Variants in CTNNA2 observed in about 807,000 individuals in gnomAD.
The protein encoded by CTNNA2 is catenin alpha-2.
Under a neutral mutation model 101.0 loss-of-function variants are expected in CTNNA2, and 42 were observed. That is an observed-to-expected ratio of 0.42 (90% CI 0.32 to 0.54). CTNNA2 has a LOEUF of 0.54. CTNNA2 is among the 20% of genes least tolerant of loss of function. The pLI, the probability that CTNNA2 is intolerant of heterozygous loss-of-function variation, is 0.14. For synonymous variants in CTNNA2, 450 were observed against 456.4 expected (o/e 0.99, Z 0.18); for missense variants, 871 against 1,223.1 (o/e 0.71, Z 4.29).
intron 7 of CTNNA2, among the ~76,000 whole-genome samples, chr2:79,915,324 C>T (rs1336830790): frequency 6.8e-6 from 1 of 146,840 alleles, no homozygotes; most frequent in Non-Finnish European, 1.5e-5. Flanking sequence ...CACACACACA[C>T]ACACACATTA....
intron 15 of CTNNA2, among the ~76,000 whole-genome samples, chr2:80,602,354 A>C (rs1697627888): frequency 6.6e-6 from 1 of 152,070 alleles, no homozygotes; most frequent in Admixed American, 6.6e-5. Context: ...ACATTTTGTC[A>C]GAATCAATCA....
chr2:79,707,649 A>G (rs1316960039), intron 2 of CTNNA2, among the ~76,000 whole-genome samples: 2 of 152,198 alleles, frequency 1.3e-5, no homozygotes, highest in South Asian at 4.1e-4. Context: ...CATAGTACTT[A>G]TATCTGTTTT....
At chr2:80,013,353 T>C (rs1456847088) in intron 7 of CTNNA2, among the ~76,000 whole-genome samples, 1 of 152,186 alleles carries the variant, frequency 6.6e-6, no homozygotes, top group African/African-American at 2.4e-5. Flanking sequence ...TATAACACTC[T>C]TTCCTGAGTA....
intron 2 of CTNNA2, among the ~76,000 whole-genome samples, chr2:79,289,766 A>T (rs1327339559): frequency 6.6e-6 from 1 of 152,126 alleles, no homozygotes; most frequent in Non-Finnish European, 1.5e-5. Context: ...TAGAAAAGAA[A>T]AGAATGCAGC....
At chr2:80,141,946 C>G (rs905643789) in intron 7 of CTNNA2, among the ~76,000 whole-genome samples, 1 of 151,456 alleles carries the variant, frequency 6.6e-6, no homozygotes, top group Non-Finnish European at 1.5e-5. Context: ...CAGATCCCCA[C>G]CAAATGGATC....
intron 7 of CTNNA2, among the ~76,000 whole-genome samples, chr2:79,933,854 G>A (rs763684192): frequency 3.3e-5 from 5 of 152,158 alleles, no homozygotes; most frequent in Non-Finnish European, 7.3e-5. Context: ...GCTTTGTGTG[G>A]TTTTAGTTTT....
chr2:80,127,860 T>G (rs1271426549), intron 7 of CTNNA2, among the ~76,000 whole-genome samples: 1 of 152,144 alleles, frequency 6.6e-6, no homozygotes, highest in Non-Finnish European at 1.5e-5. Flanking sequence ...CATTTTTACT[T>G]GGAGTACAGG....
intron 2 of CTNNA2, chr2:79,687,797 C>T (rs1450951682): frequency 4.3e-6 from 2 of 470,040 alleles, no homozygotes; most frequent in Middle Eastern, 5.6e-4. Flanking sequence ...ATACAGGCGC[C>T]AAAAATGGAT....
intron 9 of CTNNA2, among the ~76,000 whole-genome samples, chr2:80,494,725 T>C (rs988688916): frequency 2.0e-5 from 3 of 152,152 alleles, no homozygotes; most frequent in Non-Finnish European, 4.4e-5. Context: ...GTCTCTGTGG[T>C]GTTAAAAGAT....
intron 7 of CTNNA2, among the ~76,000 whole-genome samples, chr2:79,963,227 G>A (rs1689786668): frequency 6.6e-6 from 1 of 152,080 alleles, no homozygotes; most frequent in Non-Finnish European, 1.5e-5. Context: ...CTATGCATAT[G>A]TGTGTTCGTT....
intron 7 of CTNNA2, among the ~76,000 whole-genome samples, chr2:80,050,070 C>T (rs963429793): frequency 2.0e-5 from 3 of 152,134 alleles, no homozygotes; most frequent in African/African-American, 7.2e-5. Context: ...GATCATGGAT[C>T]CAGTATGACT....
intron 7 of CTNNA2, among the ~76,000 whole-genome samples, chr2:80,054,556 T>G (rs913961912): frequency 2.6e-5 from 4 of 152,100 alleles, no homozygotes; most frequent in Non-Finnish European, 5.9e-5. Flanking sequence ...AGGGGTAGGA[T>G]GAATATGTGG....
At chr2:80,231,463 C>T (rs1460583493) in intron 7 of CTNNA2, among the ~76,000 whole-genome samples, 4 of 152,110 alleles carry the variant, frequency 2.6e-5, no homozygotes, top group African/African-American at 7.2e-5. Flanking sequence ...CAGTGTAAAC[C>T]AAATATAAAA....
At chr2:80,103,884 G>A (rs906748398) in intron 7 of CTNNA2, among the ~76,000 whole-genome samples, 6 of 152,146 alleles carry the variant, frequency 3.9e-5, no homozygotes, top group African/African-American at 1.4e-4. Flanking sequence ...ACAGGCGCCT[G>A]CCACCATGGC....
intron 2 of CTNNA2, among the ~76,000 whole-genome samples, chr2:79,295,844 T>C (rs1675965438): frequency 6.6e-6 from 1 of 151,750 alleles, no homozygotes; most frequent in African/African-American, 2.4e-5. Context: ...TACTTAATTA[T>C]ATACTCTTTG....
intron 2 of CTNNA2, among the ~76,000 whole-genome samples, chr2:79,223,473 T>C: frequency 6.6e-6 from 1 of 152,206 alleles, no homozygotes; most frequent in East Asian, 1.9e-4. Context: ...AATTGATCTT[T>C]AGCAGAGTGG....
intron 7 of CTNNA2, among the ~76,000 whole-genome samples, chr2:80,081,478 G>A (rs1287730294): frequency 6.6e-6 from 1 of 151,846 alleles, no homozygotes; most frequent in African/African-American, 2.4e-5. Context: ...GATAAGAAAA[G>A]TCTCTGTCTC....
At chr2:80,359,742 T>A (rs1172611195) in intron 7 of CTNNA2, among the ~76,000 whole-genome samples, 1 of 152,176 alleles carries the variant, frequency 6.6e-6, no homozygotes, top group Non-Finnish European at 1.5e-5. Flanking sequence ...CTCAGGTATT[T>A]CTTTAGAGCA....
chr2:79,339,267 G>A (rs1244286063), intron 3 of CTNNA2, among the ~76,000 whole-genome samples: 1 of 152,186 alleles, frequency 6.6e-6, no homozygotes, highest in African/African-American at 2.4e-5. Flanking sequence ...GAATCCAAGA[G>A]AAGAGCATTT....
Sources: allele counts gnomAD v4.1 joint callset (sites outside exome capture counted in the v4.1 genomes callset), GRCh38; gene constraint gnomAD v4.1.1; transcripts MANE v1.5; gene names NCBI Gene and HGNC (gene_info 2026-07-23, HGNC 2026-07-21).